The following ERBB4 variants were observed in gnomAD, a reference collection of about 807,000 sequenced individuals.
ERBB4 encodes the protein receptor tyrosine-protein kinase erbB-4.
In ERBB4, 42 loss-of-function variants were observed where a neutral mutation model predicts 158.0. The observed-to-expected ratio is 0.27, with a 90% confidence interval of 0.21 to 0.34. ERBB4 has a LOEUF of 0.34. Ranked by LOEUF, ERBB4 falls within the 10% of genes least tolerant of loss-of-function variation. The pLI is 1.00. For synonymous variants in ERBB4, 583 were observed against 558.7 expected (o/e 1.04, Z -0.61); for missense variants, 1,333 against 1,624.1 (o/e 0.82, Z 3.08).
At chr2:211,677,936 C>T (rs576730074) in intron 13 of ERBB4, among the ~76,000 whole-genome samples, 1 of 151,858 alleles carries the variant, frequency 6.6e-6, no homozygotes, top group East Asian at 1.9e-4. Flanking sequence ...CAGTGAGCAA[C>T]ATAAGAAAAT....
intron 3 of ERBB4, among the ~76,000 whole-genome samples, chr2:211,799,250 T>A (rs1163575787): frequency 6.6e-6 from 1 of 152,164 alleles, no homozygotes; most frequent in Non-Finnish European, 1.5e-5. Flanking sequence ...TTCTCCACTG[T>A]AAAAATTATT....
intron 1 of ERBB4, among the ~76,000 whole-genome samples, chr2:212,511,794 T>C (rs1188613103): frequency 2.0e-5 from 3 of 149,300 alleles, no homozygotes; most frequent in African/African-American, 7.7e-5. Flanking sequence ...GCTTAAAAAT[T>C]AGAGATTTAA....
At chr2:212,209,760 A>G (rs2082874463) in intron 1 of ERBB4, among the ~76,000 whole-genome samples, 1 of 152,150 alleles carries the variant, frequency 6.6e-6, no homozygotes, top group African/African-American at 2.4e-5. Context: ...ATTTTTAAGA[A>G]TAATAATAAA....
intron 1 of ERBB4, among the ~76,000 whole-genome samples, chr2:212,399,545 C>CATATATATATATATACATATATATATAT (rs2091132872): frequency 2.6e-5 from 1 of 38,098 alleles, no homozygotes; most frequent in Non-Finnish European, 4.9e-5. Flanking sequence ...TTTATATATA[C>CATATATATATATATACATATATATATAT]ATATATATAT....
At position 212,102,090 on chromosome 2, in the gene ERBB4, T is replaced by TATATATATATATATATATATATATA. The variant is rs1553558603; in HGVS notation, c.234+22661_234+22662insTATATATATATATATATATATATAT. Among the ~76,000 whole-genome samples, 249 of 107,910 alleles carry TATATATATATATATATATATATATA rather than the reference T, an allele frequency of 2.3e-3. 11 individuals carry two copies. Among genetic ancestry groups the TATATATATATATATATATATATATA allele is most frequent in the South Asian group, 0.016 (44 of 2,806 alleles). The allele number at this position is 107,910 out of a possible 152,430, so 70.8% of individuals were successfully genotyped here. On this transcript the variant is annotated intron_variant, in intron 2 of 27. Transcript: ENST00000342788. ...AAATCATATACGTTGAAAATTTATT[T>TATATATATATATATATATATATATA]TATATATATATATATATATATATGT...
At chr2:211,494,428 AC>A (rs2065420041) in intron 20 of ERBB4, among the ~76,000 whole-genome samples, 1 of 151,664 alleles carries the variant, frequency 6.6e-6, no homozygotes, top group South Asian at 2.1e-4. Context: ...AAACATGAAC[AC>A]CAAATAAAAG....
intron 19 of ERBB4, among the ~76,000 whole-genome samples, chr2:211,599,739 T>C (rs1272425639): frequency 6.6e-6 from 1 of 152,138 alleles, no homozygotes; most frequent in African/African-American, 2.4e-5. Context: ...CCAAATTAGA[T>C]TGCACATATT....
intron 16 of ERBB4, 141 bp downstream of exon 16, chr2:211,657,613 T>C: frequency 2.7e-6 from 2 of 729,122 alleles, no homozygotes; most frequent in East Asian, 2.7e-5. Context: ...GGAAAGTGTT[T>C]TATGCCTCTT....
chr2:212,412,685 A>T (rs144583724), intron 1 of ERBB4, among the ~76,000 whole-genome samples: 166 of 152,324 alleles, frequency 1.1e-3, no homozygotes, highest in Middle Eastern at 6.8e-3. Context: ...GTCAAGCATG[A>T]TAGCCTTGTA....
chr2:211,900,159 T>A (rs1043898782), intron 3 of ERBB4, among the ~76,000 whole-genome samples: 1 of 152,134 alleles, frequency 6.6e-6, no homozygotes, highest in African/African-American at 2.4e-5. Flanking sequence ...TCCTGAACTT[T>A]AAAGTGATTC....
intron 2 of ERBB4, among the ~76,000 whole-genome samples, chr2:212,050,534 A>G (rs929034199): frequency 9.2e-5 from 14 of 152,162 alleles, no homozygotes; most frequent in African/African-American, 2.9e-4. Flanking sequence ...TCTTTGGTAT[A>G]GTACTGGGTA....
chr2:211,414,244 T>G (rs1012087163), intron 25 of ERBB4, among the ~76,000 whole-genome samples: 3 of 152,038 alleles, frequency 2.0e-5, no homozygotes, highest in Non-Finnish European at 4.4e-5. Flanking sequence ...CACGCCTATA[T>G]CTCAACACTT....
chr2:211,465,979 C>G (rs952526477), intron 20 of ERBB4, among the ~76,000 whole-genome samples: 1 of 152,194 alleles, frequency 6.6e-6, no homozygotes, highest in South Asian at 2.1e-4. Context: ...AGGTCAGACC[C>G]TTTTTGCTGT....
intron 4 of ERBB4, among the ~76,000 whole-genome samples, chr2:211,775,742 A>G (rs1401000533): frequency 6.6e-6 from 1 of 152,168 alleles, no homozygotes; most frequent in African/African-American, 2.4e-5. Context: ...TATTCAACCA[A>G]GCACTCTGCT....
rs200063753 is a variant in ERBB4 at position 211,704,109 on chromosome 2, G to A, written c.1284C>T (p.Leu428=). 33 of 1,585,512 alleles carry A rather than the reference G, an allele frequency of 2.1e-5. No individual in the cohort carries two copies. The East Asian group carries it at 7.4e-4, about 35-fold the overall frequency. Residue 428 remains leucine (L), a synonymous_variant, in exon 11 of 28, where the codon CTC becomes CTT. Transcript: ENST00000342788. ...CTTTAAACATATCCACTTACCTATA[G>A]AGTACTCTTCCACCAATGGTCACCA... is the stretch of plus-strand genomic sequence containing the variant. The part of the protein sequence containing the change: ...SNLVTIGGRV[L]YSGLSLLILK...
At chr2:211,774,535 G>A (rs562559378) in intron 4 of ERBB4, among the ~76,000 whole-genome samples, 2 of 152,220 alleles carry the variant, frequency 1.3e-5, no homozygotes, top group South Asian at 4.1e-4. Context: ...GTAAAGCACA[G>A]CTGAACCCTC....
chr2:212,060,957 G>GATA (rs995499535), intron 2 of ERBB4, among the ~76,000 whole-genome samples: 2 of 123,312 alleles, frequency 1.6e-5, no homozygotes, highest in African/African-American at 7.1e-5. Flanking sequence ...CTTAAAGTAT[G>GATA]ATAATAAATA....
At chr2:211,894,319 C>A (rs1453816146) in intron 3 of ERBB4, among the ~76,000 whole-genome samples, 2 of 147,798 alleles carry the variant, frequency 1.4e-5, no homozygotes, top group African/African-American at 2.5e-5. Context: ...GAACAAAAAA[C>A]CAAACACGGC....
intron 20 of ERBB4, among the ~76,000 whole-genome samples, chr2:211,438,852 T>G (rs78260011): frequency 0.019 from 2,958 of 152,224 alleles, 96 homozygotes; most frequent in African/African-American, 0.066. Flanking sequence ...CCTGGTTAGG[T>G]TGCAGAGCTT....
Sources: allele counts gnomAD v4.1 joint callset (sites outside exome capture counted in the v4.1 genomes callset), GRCh38; gene constraint gnomAD v4.1.1; transcripts MANE v1.5; gene names NCBI Gene and HGNC (gene_info 2026-07-23, HGNC 2026-07-21).